Variants in CDC27 observed in about 807,000 individuals in gnomAD.
CDC27 encodes cell division cycle 27, also known as cell division cycle protein 27 homolog.
In CDC27, 27 loss-of-function variants were observed where a neutral mutation model predicts 109.7. That is an observed-to-expected ratio of 0.25 (90% CI 0.18 to 0.34). The LOEUF is 0.34. CDC27 is among the 10% of genes least tolerant of loss of function. The pLI is 1.00. For missense variants in CDC27, 579 were observed against 960.2 expected, an observed-to-expected ratio of 0.60 and a Z score of 5.25; for synonymous variants, 266 against 333.9, an observed-to-expected ratio of 0.80 and a Z score of 2.22.
rs752181878 is a variant in CDC27 at position 47,181,551 on chromosome 17, A to G, written c.103+11T>C. ...CATTTATCATTCTACAGCAATGAAT[A>G]GATTTCAAACCTTCTGCATAAAGGC... On this transcript the variant is annotated intron_variant, in intron 2 of 18. Transcript: ENST00000066544. 6.6e-7 allele frequency: 1 copy of G among 1,509,752 alleles called. No individual in the cohort carries two copies. The highest frequency in any genetic ancestry group is 1.1e-5 in the South Asian group (1 of 87,716). 93.5% of individuals were successfully genotyped at this position (1,509,752 alleles called of 1,614,324 possible). A position where few individuals can be genotyped will look rare whatever the true frequency, so the allele number is the denominator to read the frequency against.
intron 9 of CDC27, among the ~76,000 whole-genome samples, chr17:47,144,610 A>G (rs1568398728): frequency 6.6e-6 from 1 of 152,170 alleles, no homozygotes. Flanking sequence ...GCCTCTGTAC[A>G]TTTTTACTTT....
chr17:47,184,808 T>C (rs1158233211), intron 1 of CDC27, among the ~76,000 whole-genome samples: 1 of 152,208 alleles, frequency 6.6e-6, no homozygotes, highest in Admixed American at 6.5e-5. Context: ...TACAGATTAG[T>C]AGCTGATGAT....
chr17:47,144,177 T>C (rs1374132613), intron 9 of CDC27, among the ~76,000 whole-genome samples, 195 bp from the exon 10 acceptor site: 1 of 152,186 alleles, frequency 6.6e-6, no homozygotes, highest in Non-Finnish European at 1.5e-5. Flanking sequence ...GGACTGGCTT[T>C]CCTGCTTCTC....
In CDC27 at chr17:47,142,156, T is replaced by C. The variant is rs187081544; in HGVS notation, c.1378+73A>G. The stretch of plus-strand genomic sequence containing the variant: ...ATAAAAAACAATGAAGGTACTGTAA[T>C]GAACATAAAGAAATTTACTTAAAAT... On this transcript the variant is annotated intron_variant, in intron 11 of 18. Transcript: ENST00000066544. The C allele has an allele frequency of 1.4e-4, 160 of 1,152,360 alleles. No homozygotes were observed. The African/African-American group carries it at 2.3e-3, about 17-fold the overall frequency. 71.4% of individuals were successfully genotyped at this position (1,152,360 alleles called of 1,614,324 possible). A position where few individuals can be genotyped will look rare whatever the true frequency, so the allele number is the denominator to read the frequency against.
chr17:47,180,586 T>C (rs2064182521), intron 2 of CDC27, among the ~76,000 whole-genome samples: 1 of 144,488 alleles, frequency 6.9e-6, no homozygotes, highest in African/African-American at 2.6e-5. Flanking sequence ...CATTTAAAAG[T>C]ACATAACCCA....
chr17:47,120,688 A>C lies in CDC27; in HGVS notation c.*247T>G, dbSNP rs962345662. 5 of 369,138 alleles carry C rather than the reference A, an allele frequency of 1.4e-5. No homozygotes were observed. The Admixed American group carries it at 2.1e-4, about 16-fold the overall frequency. The allele number at this position is 369,138 out of a possible 1,614,324, so 22.9% of individuals were successfully genotyped here. On this transcript the variant is annotated 3_prime_UTR_variant, in exon 19 of 19. Coordinates refer to ENST00000066544, the MANE Select transcript of CDC27 (RefSeq NM_001256.6). ...GGAGATTAAAGAAAAACAGAAAAGAAAGTTCCCCACCCTACCCCCCATAAA... is the reference window on the plus strand; with the variant it reads ...GGAGATTAAAGAAAAACAGAAAAGACAGTTCCCCACCCTACCCCCCATAAA...
intron 1 of CDC27, among the ~76,000 whole-genome samples, chr17:47,183,143 C>T (rs1435894237): frequency 3.3e-5 from 5 of 152,122 alleles, no homozygotes; most frequent in African/African-American, 4.8e-5. Context: ...TAATAAACTA[C>T]TTTTGAGATA....
Position 47,120,163 on chromosome 17 carries a change from T to C in CDC27, c.*772A>G, listed in dbSNP as rs569289800. ...GGAACCACTCTATCATCTCTGAATG[T>C]TAAAGGTGATCCCACAGAGCTCAAA... On this transcript the variant is annotated 3_prime_UTR_variant, in exon 19 of 19. Transcript: ENST00000066544. The C allele has an allele frequency of 2.0e-5, 3 of 152,328 alleles. No individual in the cohort carries two copies. The highest frequency in any genetic ancestry group is 7.2e-5 in the African/African-American group (3 of 41,568). The allele number at this position is 152,328 out of a possible 1,614,324, so 9.4% of individuals were successfully genotyped here. A position where few individuals can be genotyped will look rare whatever the true frequency, so the allele number is the denominator to read the frequency against.
intron 4 of CDC27, among the ~76,000 whole-genome samples, chr17:47,166,804 A>G (rs146936699): frequency 9.2e-4 from 140 of 152,180 alleles, no homozygotes; most frequent in African/African-American, 3.1e-3. Context: ...ATTCAGTTCA[A>G]TATATTTTTA....
At chr17:47,121,577 G>A (rs2061983421) in intron 18 of CDC27, among the ~76,000 whole-genome samples, 1 of 151,930 alleles carries the variant, frequency 6.6e-6, no homozygotes, top group African/African-American at 2.4e-5. Context: ...CAAGTAGCTG[G>A]GACTATAGAC....
At chr17:47,164,007 G>C (rs2052346864) in intron 4 of CDC27, among the ~76,000 whole-genome samples, 1 of 152,098 alleles carries the variant, frequency 6.6e-6, no homozygotes, top group Non-Finnish European at 1.5e-5. Context: ...CAGGTGATCT[G>C]CCCGCCTCGG....
chr17:47,156,175 G>A (rs530508270), intron 7 of CDC27, among the ~76,000 whole-genome samples: 1 of 151,974 alleles, frequency 6.6e-6, no homozygotes, highest in East Asian at 1.9e-4. Flanking sequence ...GTCTTGCCCT[G>A]TCTCCCAGGC....
At chr17:47,188,924 C>A in intron 1 of CDC27, 1 of 1,386,368 alleles carries the variant, frequency 7.2e-7, no homozygotes, top group Non-Finnish European at 9.4e-7. Flanking sequence ...TTATTTTCGC[C>A]GAAGCCGCTC....
Position 47,168,583 on chromosome 17 carries a change from T to C in CDC27, c.377+1334A>G, listed in dbSNP as rs574470182. 1.5e-4 allele frequency among the ~76,000 whole-genome samples: 23 copies of C among 152,258 alleles called. No homozygotes were observed. In the South Asian group the frequency reaches 4.8e-3, roughly 32 times the overall value. ...TCAAGCCAAGTGTGTTTAGCTATAATGGAAATGAATCTCAAAGTTTCTTGA... is the reference window on the plus strand; with the variant it reads ...TCAAGCCAAGTGTGTTTAGCTATAACGGAAATGAATCTCAAAGTTTCTTGA... On this transcript the variant is annotated intron_variant, in intron 4 of 18. Transcript: ENST00000066544.
In CDC27 at chr17:47,122,396, G is replaced by A. The variant is rs760024854; in HGVS notation, c.2392+48C>T. ...AAAAGAGTAGCCTACAAATCCTTAT[G>A]CAAAAGGTAACTTTCTAAATACTCA... On this transcript the variant is annotated intron_variant, in intron 18 of 18. Transcript: ENST00000066544. 6.1e-6 allele frequency: 8 copies of A among 1,310,900 alleles called. No homozygotes were observed. In the South Asian group the frequency reaches 6.4e-5, roughly 10 times the overall value. The allele number at this position is 1,310,900 out of a possible 1,614,324, so 81.2% of individuals were successfully genotyped here.
chr17:47,124,178 A>AAAACACACACAC (rs146307308), intron 16 of CDC27, among the ~76,000 whole-genome samples: 1 of 144,392 alleles, frequency 6.9e-6, no homozygotes, highest in East Asian at 2.0e-4. Flanking sequence ...GTACACTGAA[A>AAAACACACACAC]ACACACACAC....
intron 4 of CDC27, among the ~76,000 whole-genome samples, chr17:47,166,135 G>A (rs1438400077): frequency 6.6e-6 from 1 of 152,102 alleles, no homozygotes; most frequent in Non-Finnish European, 1.5e-5. Flanking sequence ...TTAAGGAATA[G>A]TGGCCTATAG....
chr17:47,169,861 A>G (rs2063761826), intron 4 of CDC27, 56 bp downstream of exon 4: 2 of 1,463,218 alleles, frequency 1.4e-6, no homozygotes, highest in Admixed American at 2.3e-5. Flanking sequence ...TTTTTAAACT[A>G]TAAAACATAC....
chr17:47,143,831 G>C, intron 10 of CDC27, 52 bp downstream of exon 10: 1 of 801,612 alleles, frequency 1.2e-6, no homozygotes, highest in Non-Finnish European at 1.9e-6. Flanking sequence ...GAACAGAAAT[G>C]TTAGCAGGCG....
Sources: allele counts gnomAD v4.1 joint callset (sites outside exome capture counted in the v4.1 genomes callset), GRCh38; gene constraint gnomAD v4.1.1; transcripts MANE v1.5; gene names NCBI Gene and HGNC (gene_info 2026-07-23, HGNC 2026-07-21).